CACNA1B: variants seen among roughly 807,000 people sequenced by gnomAD.
CACNA1B encodes the protein calcium voltage-gated channel subunit alpha1 B, also known as voltage-dependent N-type calcium channel subunit alpha-1B.
A neutral mutation model predicts 247.2 loss-of-function variants in CACNA1B; 70 were observed. The observed-to-expected ratio is 0.28, with a 90% CI of 0.23 to 0.35. CACNA1B has a LOEUF of 0.35. Ranked by LOEUF, CACNA1B falls within the 10% of genes least tolerant of loss-of-function variation. CACNA1B has a pLI of 1.00. For synonymous variants in CACNA1B, 1,231 were observed against 1,294.4 expected, an observed-to-expected ratio of 0.95 and a Z score of 1.05; for missense variants, 2,367 against 3,197.4, an observed-to-expected ratio of 0.74 and a Z score of 6.26.
chr9:138,121,442 G>A lies in CACNA1B; in HGVS notation c.6490-27G>A. 9.7e-7 allele frequency: 1 copy of A among 1,031,214 alleles called. No homozygotes were observed. Among genetic ancestry groups the A allele is most frequent in the Admixed American group, 2.8e-5 (1 of 35,258 alleles). 63.9% of individuals were successfully genotyped at this position (1,031,214 alleles called of 1,614,324 possible). A position where few individuals can be genotyped will look rare whatever the true frequency, so the allele number is the denominator to read the frequency against. ...CTTTTTTTTTTTTTTTTTTACCTCT[G>A]ATTTGTTCTGGTCCATTTTCATGTA... On this transcript the variant is annotated intron_variant, in intron 46 of 46. Coordinates refer to ENST00000371372, the MANE Select transcript of CACNA1B (RefSeq NM_000718.4). This position sits in a 1 kb window ranked among gnomAD's most constrained non-coding sequence, Gnocchi z 6.8.
chr9:138,117,937 C>G lies in CACNA1B; in HGVS notation c.5778-9C>G. On this transcript the variant is annotated splice_polypyrimidine_tract_variant and intron_variant, in intron 42 of 46. Coordinates refer to ENST00000371372, the MANE Select transcript of CACNA1B (RefSeq NM_000718.4). ...CCCTACAGGAATCTGTTTGTCTTCTCTGCCACAGACAAAACCAAGAGAGTG... is the reference window on the plus strand; with the variant it reads ...CCCTACAGGAATCTGTTTGTCTTCTGTGCCACAGACAAAACCAAGAGAGTG... The G allele has an allele frequency of 1.9e-6, 3 of 1,565,336 alleles. No homozygotes were observed. Among genetic ancestry groups the G allele is most frequent in the African/African-American group, 1.4e-5 (1 of 73,956 alleles).
intron 31 of CACNA1B, among the ~76,000 whole-genome samples, chr9:138,061,697 G>A (rs1011888402): frequency 2.6e-5 from 4 of 152,184 alleles, no homozygotes; most frequent in Admixed American, 6.5e-5. Flanking sequence ...GTGCCGGCAC[G>A]GTACTGCACA....
chr9:137,935,782 C>CTT (rs71387877), intron 6 of CACNA1B, among the ~76,000 whole-genome samples: 3 of 146,690 alleles, frequency 2.0e-5, no homozygotes, highest in Non-Finnish European at 4.5e-5. Context: ...CTGACTTTTT[C>CTT]TTTTTTTTTT....
At chr9:138,049,632 G>A (rs1203591070) in intron 24 of CACNA1B, among the ~76,000 whole-genome samples, 1 of 152,114 alleles carries the variant, frequency 6.6e-6, no homozygotes, top group African/African-American at 2.4e-5. Flanking sequence ...CTCTGGGACC[G>A]GGCGGCACAG....
chr9:138,100,318 G>A lies in CACNA1B; in HGVS notation c.5223-2393G>A, dbSNP rs567523120. Among the ~76,000 whole-genome samples, 7 of 152,246 alleles carry A rather than the reference G, an allele frequency of 4.6e-5. No individual in the cohort carries two copies. Among genetic ancestry groups the A allele is most frequent in the African/African-American group, 4.8e-5 (2 of 41,540 alleles). On this transcript the variant is annotated intron_variant, in intron 37 of 46. Coordinates refer to ENST00000371372, the MANE Select transcript of CACNA1B (RefSeq NM_000718.4). The surrounding 1 kb of genome is among the most constrained non-coding windows in gnomAD (Gnocchi z 4.6). ...GTTGAACAAGTCGCTTTGATTTTGC[G>A]TTGTAGACAGTGGGCTCAGTCCTTG... is the stretch of plus-strand genomic sequence containing the variant.
chr9:138,029,587 GT>G (rs1161384413), intron 20 of CACNA1B, among the ~76,000 whole-genome samples: 60 of 138,722 alleles, frequency 4.3e-4, no homozygotes, highest in Admixed American at 3.8e-3. Context: ...CTGATCCTGT[GT>G]TTTTTTGTGT....
At chr9:138,118,551 T>G in intron 43 of CACNA1B, 101 bp from the exon 44 acceptor site, 3 of 614,312 alleles carry the variant, frequency 4.9e-6, no homozygotes, top group Non-Finnish European at 8.8e-6. Context: ...CTGAGATGGA[T>G]TTGGGTGAGA....
At chr9:137,923,028 C>T (rs1957505094) in intron 6 of CACNA1B, among the ~76,000 whole-genome samples, 1 of 152,218 alleles carries the variant, frequency 6.6e-6, no homozygotes, top group South Asian at 2.1e-4. Context: ...TGGACAAAAC[C>T]ACACCAAATG....
chr9:138,113,503 A>G (rs1745229413), intron 40 of CACNA1B, among the ~76,000 whole-genome samples: 1 of 149,404 alleles, frequency 6.7e-6, no homozygotes, highest in African/African-American at 2.5e-5. Flanking sequence ...GGGAGACGTG[A>G]GGGAGCGCAG....
At chr9:138,066,879 A>G (rs753280530) in intron 31 of CACNA1B, among the ~76,000 whole-genome samples, 4 of 152,228 alleles carry the variant, frequency 2.6e-5, no homozygotes, top group African/African-American at 9.6e-5. Flanking sequence ...GAAGAAAAGT[A>G]TAAGAATAGA....
At position 138,052,264 on chromosome 9, in the gene CACNA1B, A is replaced by G. The variant is rs372930122; in HGVS notation, c.3807+76A>G. 1.7e-4 allele frequency: 80 copies of G among 483,026 alleles called. No individual in the cohort carries two copies. Among genetic ancestry groups the G allele is most frequent in the African/African-American group, 4.6e-4 (5 of 10,932 alleles). 29.9% of individuals were successfully genotyped at this position (483,026 alleles called of 1,614,324 possible). ...TGTGTGTGTGCGTGTGTGTGTGTGTATGCATGCAGTGCATGAGTGTGTGTG... is the reference window on the plus strand; with the variant it reads ...TGTGTGTGTGCGTGTGTGTGTGTGTGTGCATGCAGTGCATGAGTGTGTGTG... On this transcript the variant is annotated intron_variant, in intron 25 of 46. Transcript: ENST00000371372. The surrounding 1 kb of genome is among the most constrained non-coding windows in gnomAD (Gnocchi z 5.1).
Position 138,115,642 on chromosome 9 carries a change from CAG to C in CACNA1B, c.5742_5743del (p.Lys1915GlufsTer35). On this transcript the variant is annotated frameshift_variant, in exon 42 of 47. Coordinates refer to ENST00000371372, the MANE Select transcript of CACNA1B (RefSeq NM_000718.4). LOFTEE classifies it high-confidence loss of function. ...VLRGARVFLR[Q>X]KSSTSLSNGG... ...CCGAGGAGCCCGGGTTTTCCTTCGA[CAG>C]AAGAGTTCCACCTCCCTCAGCAATG... 1 of 1,613,766 alleles carries C rather than the reference CAG, an allele frequency of 6.2e-7. No individual in the cohort carries two copies. The highest frequency in any genetic ancestry group is 8.5e-7 in the Non-Finnish European group (1 of 1,179,814).
chr9:137,976,177 G>C (rs367959015), intron 12 of CACNA1B, among the ~76,000 whole-genome samples, 158 bp downstream of exon 12: 1 of 152,260 alleles, frequency 6.6e-6, no homozygotes. Flanking sequence ...GGCTGGCAGC[G>C]GGAGGCCTGT....
In CACNA1B at chr9:137,888,881, T is replaced by C. The variant is rs1395224993; in HGVS notation, c.530+5998T>C. Among the ~76,000 whole-genome samples, 6 of 152,184 alleles carry C rather than the reference T, an allele frequency of 3.9e-5. No homozygotes were observed. The South Asian group carries it at 1.0e-3, about 26-fold the overall frequency. On this transcript the variant is annotated intron_variant, in intron 3 of 46. Transcript: ENST00000371372. This position sits in a 1 kb window ranked among gnomAD's most constrained non-coding sequence, Gnocchi z 4.7. ...CTCAGGGCCCCACAGAGGGTCCCCA[T>C]GGGCAAGGAGGGTCCACCCAGGGGA...
chr9:137,979,462 T>C (rs1958268298), intron 12 of CACNA1B, among the ~76,000 whole-genome samples: 1 of 152,012 alleles, frequency 6.6e-6, no homozygotes, highest in South Asian at 2.1e-4. Context: ...GAAAGAAAGA[T>C]CCCATCAGTT....
chr9:137,914,599 T>C lies in CACNA1B; in HGVS notation c.623-55T>C, dbSNP rs2133279353. On this transcript the variant is annotated intron_variant, in intron 4 of 46. Transcript: ENST00000371372. The surrounding 1 kb of genome is among the most constrained non-coding windows in gnomAD (Gnocchi z 4.3). The stretch of plus-strand genomic sequence containing the variant: ...CTGTTCTGTCCCTGCCCCCACCAAA[T>C]TCCTTGCCCTACCCTGCCCACGTTG... The C allele has an allele frequency of 6.6e-7, 1 of 1,522,996 alleles. No individual in the cohort carries two copies. Among genetic ancestry groups the C allele is most frequent in the Non-Finnish European group, 9.0e-7 (1 of 1,106,572 alleles). The allele number at this position is 1,522,996 out of a possible 1,614,324, so 94.3% of individuals were successfully genotyped here.
Position 138,020,424 on chromosome 9 carries a change from T to A in CACNA1B, c.2268-2587T>A, listed in dbSNP as rs1357815839. Among the ~76,000 whole-genome samples the A allele has an allele frequency of 6.6e-6, 1 of 152,094 alleles. No individual in the cohort carries two copies. Among genetic ancestry groups the A allele is most frequent in the Admixed American group, 6.5e-5 (1 of 15,284 alleles). Reference sequence around the variant, plus strand: ...TCACCAGCCACACTTCACTCTAAGTTGGTGTGGATATGTGCCAGATAGAGC... The same window carrying A: ...TCACCAGCCACACTTCACTCTAAGTAGGTGTGGATATGTGCCAGATAGAGC... On this transcript the variant is annotated intron_variant, in intron 18 of 46. Coordinates refer to ENST00000371372, the MANE Select transcript of CACNA1B (RefSeq NM_000718.4). This position sits in a 1 kb window ranked among gnomAD's most constrained non-coding sequence, Gnocchi z 4.1.
intron 45 of CACNA1B, 82 bp downstream of exon 45, chr9:138,120,454 T>C (rs1376900080): frequency 7.0e-7 from 1 of 1,438,282 alleles, no homozygotes; most frequent in Non-Finnish European, 9.3e-7. Context: ...GGGGACCCTC[T>C]TCCTTTGTGG....
At chr9:138,033,957 T>C (rs974636384) in intron 20 of CACNA1B, among the ~76,000 whole-genome samples, 1 of 152,100 alleles carries the variant, frequency 6.6e-6, no homozygotes, top group Non-Finnish European at 1.5e-5. Flanking sequence ...TATTGACAGA[T>C]GGGAATAGAA....
Sources: gnomAD v4.1 joint callset for allele counts (sites outside exome capture counted in the v4.1 genomes callset) on GRCh38, gnomAD v4.1.1 for gene constraint, Gnocchi (gnomAD v3.1) non-coding constraint, MANE v1.5 for transcripts, NCBI Gene and HGNC (gene_info 2026-07-23, HGNC 2026-07-21) for gene names.